Variants in BIRC6 observed in about 807,000 individuals in gnomAD.
The protein encoded by BIRC6 is dual E2 ubiquitin-conjugating enzyme/E3 ubiquitin-protein ligase BIRC6.
A neutral mutation model predicts 503.3 loss-of-function variants in BIRC6; 98 were observed. That is an observed-to-expected ratio of 0.19 (90% CI 0.17 to 0.23). BIRC6 has a LOEUF of 0.23. Among genes scored for constraint, BIRC6 ranks in the 10% least tolerant of loss-of-function variants. The pLI is 1.00. For missense variants in BIRC6, 5,360 were observed against 5,806.0 expected (o/e 0.92, Z 2.50); for synonymous variants, 2,240 against 2,078.7 (o/e 1.08, Z -2.11).
chr2:32,362,113 C>G (rs932644715), intron 1 of BIRC6, among the ~76,000 whole-genome samples: 12 of 152,274 alleles, frequency 7.9e-5, no homozygotes, highest in Non-Finnish European at 1.5e-4. Context: ...CTGACAGACT[C>G]TTAGTGGCTG....
At chr2:32,405,851 G>C (rs2041149456) in intron 8 of BIRC6, among the ~76,000 whole-genome samples, 1 of 152,148 alleles carries the variant, frequency 6.6e-6, no homozygotes, top group African/African-American at 2.4e-5. Flanking sequence ...GATTTTATTA[G>C]TTGCTGCTGT....
chr2:32,499,945 A>C lies in BIRC6; in HGVS notation c.8867A>C (p.Asp2956Ala). The C allele has an allele frequency of 6.2e-7, 1 of 1,614,010 alleles. No homozygotes were observed. The highest frequency in any genetic ancestry group is 8.5e-7 in the Non-Finnish European group (1 of 1,179,884). ...ACAAATACAACAGATAGTGTTTCAG[A>C]TGAAGAAAAAGTCTCAGGAGGCAAA... The part of the protein sequence containing the change: ...VTTNTTDSVS[D>A]EEKVSGGKDG... The change falls in exon 46 of 74, where the codon GAT (aspartate) becomes GCT (alanine). Residue 2956 changes from aspartate to alanine, a missense_variant. This residue lies in a region of BIRC6 where 2,299 missense variants were observed against 2,267.2 expected (regional missense o/e 1.01). Coordinates refer to ENST00000421745, the MANE Select transcript of BIRC6 (RefSeq NM_016252.4).
chr2:32,458,190 T>G (rs1286827819), intron 23 of BIRC6, among the ~76,000 whole-genome samples: 1 of 152,180 alleles, frequency 6.6e-6, no homozygotes, highest in African/African-American at 2.4e-5. Context: ...TCTCAAACTT[T>G]CTGAGATTGC....
chr2:32,518,116 A>G (rs2149751851), intron 55 of BIRC6, 138 bp from the exon 56 acceptor site: 1 of 767,038 alleles, frequency 1.3e-6, no homozygotes, highest in East Asian at 3.0e-5. Context: ...CTAGACCCCC[A>G]GAGACATTTG....
intron 52 of BIRC6, 140 bp from the exon 53 acceptor site, chr2:32,510,386 A>G (rs567581902): frequency 4.7e-5 from 30 of 634,888 alleles, no homozygotes; most frequent in Non-Finnish European, 5.8e-5. Flanking sequence ...GCCTAGTTTC[A>G]TTATTTTTAG....
intron 53 of BIRC6, among the ~76,000 whole-genome samples, chr2:32,511,201 C>CTTTTTT: frequency 2.0e-3 from 98 of 48,586 alleles, no homozygotes; most frequent in African/African-American, 2.4e-3. Context: ...CTTTTCTTTT[C>CTTTTTT]TTTTTTTTTT....
intron 8 of BIRC6, among the ~76,000 whole-genome samples, chr2:32,401,832 CT>C (rs2040628194): frequency 6.6e-6 from 1 of 152,152 alleles, no homozygotes; most frequent in South Asian, 2.1e-4. Flanking sequence ...ATATGCTTAA[CT>C]TTCTATCACA....
intron 6 of BIRC6, among the ~76,000 whole-genome samples, chr2:32,396,914 G>A (rs1416675928): frequency 6.6e-6 from 1 of 152,038 alleles, no homozygotes; most frequent in African/African-American, 2.4e-5. Context: ...TTTTAGTAGA[G>A]ACGGGGTTTC....
intron 61 of BIRC6, among the ~76,000 whole-genome samples, chr2:32,534,506 G>A (rs968975900): frequency 2.1e-4 from 32 of 151,182 alleles, no homozygotes; most frequent in Non-Finnish European, 4.6e-4. Flanking sequence ...CGAGGCAGGC[G>A]GATCACCTGA....
chr2:32,539,078 A>G (rs1326104816), intron 61 of BIRC6, among the ~76,000 whole-genome samples: 1 of 152,230 alleles, frequency 6.6e-6, no homozygotes, highest in African/African-American at 2.4e-5. Flanking sequence ...TTTTTAATGT[A>G]TCACAAAGTT....
intron 8 of BIRC6, among the ~76,000 whole-genome samples, chr2:32,404,157 G>A (rs1389702785): frequency 6.6e-6 from 1 of 151,748 alleles, no homozygotes; most frequent in Non-Finnish European, 1.5e-5. Context: ...CTCGAACTCC[G>A]GACCTCAGAT....
intron 10 of BIRC6, among the ~76,000 whole-genome samples, chr2:32,416,829 C>A (rs2042425998): frequency 6.9e-6 from 1 of 145,714 alleles, no homozygotes; most frequent in African/African-American, 2.6e-5. Context: ...CGTCCTCTCC[C>A]CTCCTTTCTT....
At chr2:32,462,740 G>C (rs1467409416) in intron 23 of BIRC6, among the ~76,000 whole-genome samples, 2 of 152,124 alleles carry the variant, frequency 1.3e-5, no homozygotes, top group Non-Finnish European at 2.9e-5. Flanking sequence ...TGGATCACTT[G>C]AGGCCAGGAG....
chr2:32,398,237 G>A (rs1558619295), intron 6 of BIRC6, among the ~76,000 whole-genome samples: 1 of 152,138 alleles, frequency 6.6e-6, no homozygotes, highest in South Asian at 2.1e-4. Flanking sequence ...GCTCTTGTAG[G>A]CACAGAGGCA....
chr2:32,525,716 A>C (rs1292971293), intron 59 of BIRC6, 88 bp downstream of exon 59: 2 of 1,325,850 alleles, frequency 1.5e-6, no homozygotes, highest in East Asian at 2.4e-5. Flanking sequence ...AAATCATTTT[A>C]ATCAGGTGCC....
chr2:32,559,734 A>T (rs563429643), intron 65 of BIRC6, among the ~76,000 whole-genome samples: 154 of 151,792 alleles, frequency 1.0e-3, no homozygotes, highest in Middle Eastern at 3.4e-3. Context: ...AAAAAAAAAA[A>T]AATAAGGCCG....
intron 67 of BIRC6, 132 bp from the exon 68 acceptor site, chr2:32,594,902 A>G (rs1171083178): frequency 3.8e-6 from 2 of 525,804 alleles, no homozygotes; most frequent in Non-Finnish European, 6.6e-6. Context: ...TTGTAATAAG[A>G]TAATTGTGAA....
intron 24 of BIRC6, 106 bp from the exon 25 acceptor site, chr2:32,464,403 A>T: frequency 7.8e-7 from 1 of 1,283,748 alleles, no homozygotes; most frequent in Non-Finnish European, 1.0e-6. Context: ...TTTAAGTATG[A>T]TCAATTTAAT....
chr2:32,492,842 A>T (rs1046327651), intron 44 of BIRC6, among the ~76,000 whole-genome samples: 9 of 151,976 alleles, frequency 5.9e-5, no homozygotes, highest in Non-Finnish European at 8.8e-5. Flanking sequence ...AGTTTGGAGG[A>T]TTATATTGTA....
Sources: gnomAD v4.1 joint callset for allele counts (sites outside exome capture counted in the v4.1 genomes callset) on GRCh38, gnomAD v4.1.1 for gene constraint, gnomAD v4.1.1 regional missense constraint, MANE v1.5 for transcripts, NCBI Gene and HGNC (gene_info 2026-07-23, HGNC 2026-07-21) for gene names.